RARB: variants seen among roughly 807,000 people sequenced by gnomAD.
The protein encoded by RARB is retinoic acid receptor beta, also known as HBV-activated protein.
A neutral mutation model predicts 51.9 loss-of-function variants in RARB; 17 were observed. The observed-to-expected ratio is 0.33, with a 90% CI of 0.22 to 0.49. RARB has a LOEUF of 0.49. Among genes scored for constraint, RARB ranks in the 20% least tolerant of loss-of-function variants. The pLI is 0.99. For missense variants in RARB, 369 were observed against 550.8 expected (o/e 0.67, Z 3.30); for synonymous variants, 215 against 195.4 (o/e 1.10, Z -0.84).
chr3:24,841,752 A>C (rs1182656550), intron 1 of RARB, among the ~76,000 whole-genome samples: 1 of 152,220 alleles, frequency 6.6e-6, no homozygotes, highest in African/African-American at 2.4e-5. Flanking sequence ...TTTCATAATT[A>C]TAAGCAGCAG....
At chr3:25,456,674 T>TAG (rs1314494460) in intron 1 of RARB, among the ~76,000 whole-genome samples, 6 of 113,186 alleles carry the variant, frequency 5.3e-5, no homozygotes, top group Admixed American at 9.5e-5. Flanking sequence ...TATATATATA[T>TAG]ATATATATAG....
At chr3:25,367,313 G>A (rs1163797963) in intron 5 of RARB, among the ~76,000 whole-genome samples, 1 of 152,164 alleles carries the variant, frequency 6.6e-6, no homozygotes, top group Non-Finnish European at 1.5e-5. Flanking sequence ...CACTTTGACA[G>A]GAGAATTTTC....
chr3:25,331,710 C>A (rs1467642834), intron 5 of RARB, among the ~76,000 whole-genome samples: 1 of 151,994 alleles, frequency 6.6e-6, no homozygotes, highest in Non-Finnish European at 1.5e-5. Flanking sequence ...CACAAAAAAC[C>A]CTTCAAAAAA....
At chr3:25,289,194 C>G (rs1454280185) in intron 5 of RARB, among the ~76,000 whole-genome samples, 1 of 152,186 alleles carries the variant, frequency 6.6e-6, no homozygotes, top group Non-Finnish European at 1.5e-5. Context: ...ATTCAGGTTC[C>G]TTAGAGTGTC....
intron 4 of RARB, among the ~76,000 whole-genome samples, chr3:25,142,170 A>G (rs951841477): frequency 6.6e-5 from 10 of 152,124 alleles, no homozygotes; most frequent in Admixed American, 5.9e-4. Context: ...CGTCTCTACT[A>G]AAAAAGCACA....
At chr3:25,477,402 T>C (rs1464668041) in intron 2 of RARB, among the ~76,000 whole-genome samples, 1 of 152,168 alleles carries the variant, frequency 6.6e-6, no homozygotes, top group East Asian at 1.9e-4. Flanking sequence ...CTTTACACAA[T>C]GGTTGAACTT....
intron 5 of RARB, among the ~76,000 whole-genome samples, chr3:25,352,774 A>G (rs1312214701): frequency 6.6e-6 from 1 of 152,202 alleles, no homozygotes; most frequent in Non-Finnish European, 1.5e-5. Context: ...AATAAGTAAC[A>G]TCACTCATTA....
intron 5 of RARB, among the ~76,000 whole-genome samples, chr3:25,195,079 G>A (rs1397975623): frequency 6.6e-6 from 1 of 152,006 alleles, no homozygotes. Flanking sequence ...CTTGACATCA[G>A]TCAGTAATTA....
At chr3:25,399,628 CT>C (rs1232820009) in intron 5 of RARB, among the ~76,000 whole-genome samples, 1 of 152,220 alleles carries the variant, frequency 6.6e-6, no homozygotes, top group African/African-American at 2.4e-5. Flanking sequence ...GAGTCCTGAA[CT>C]TCCTAACTTC....
intron 2 of RARB, among the ~76,000 whole-genome samples, chr3:24,892,201 T>C (rs1000822067): frequency 1.4e-5 from 2 of 147,134 alleles, no homozygotes; most frequent in African/African-American, 5.0e-5. Context: ...ATTTTCTAAT[T>C]CACTTGAATG....
intron 5 of RARB, among the ~76,000 whole-genome samples, chr3:25,281,522 TAGAG>T (rs1703522638): frequency 6.6e-6 from 1 of 152,112 alleles, no homozygotes; most frequent in African/African-American, 2.4e-5. Flanking sequence ...TTGAAAGAGA[TAGAG>T]AGGGTACAGT....
chr3:25,073,755 G>A (rs1200944151), intron 3 of RARB, among the ~76,000 whole-genome samples: 1 of 151,986 alleles, frequency 6.6e-6, no homozygotes, highest in African/African-American at 2.4e-5. Flanking sequence ...GCTACAATAA[G>A]GATGCCTGTA....
intron 4 of RARB, among the ~76,000 whole-genome samples, chr3:25,167,461 G>T (rs1377531256): frequency 6.6e-6 from 1 of 152,170 alleles, no homozygotes; most frequent in Non-Finnish European, 1.5e-5. Flanking sequence ...CAGATTGCTA[G>T]GTGTCTAAAG....
At chr3:25,472,172 T>A (rs1388539352) in intron 2 of RARB, among the ~76,000 whole-genome samples, 2 of 152,228 alleles carry the variant, frequency 1.3e-5, no homozygotes, top group Non-Finnish European at 2.9e-5. Flanking sequence ...GCTACAGGAC[T>A]TTTTTCTCAC....
Position 25,065,005 on chromosome 3 carries a change from G to A in RARB, c.-328+4829G>A, listed in dbSNP as rs116391942. 1.8e-3 allele frequency among the ~76,000 whole-genome samples: 269 copies of A among 152,254 alleles called. 1 individual carries two copies. Among genetic ancestry groups the A allele is most frequent in the African/African-American group, 6.4e-3 (264 of 41,540 alleles). Reference sequence around the variant, plus strand: ...CAAGGAGTTCGTGCATAGGAGTAAGGCAATGGTGGCCATTGGCTCTGATCC... The same window carrying A: ...CAAGGAGTTCGTGCATAGGAGTAAGACAATGGTGGCCATTGGCTCTGATCC... On this transcript the variant is annotated intron_variant, in intron 3 of 11. Coordinates refer to the RARB transcript ENST00000383772.
At chr3:24,890,737 G>C (rs920568622) in intron 2 of RARB, among the ~76,000 whole-genome samples, 2 of 152,116 alleles carry the variant, frequency 1.3e-5, no homozygotes, top group Non-Finnish European at 2.9e-5. Context: ...ACAAACCCTT[G>C]AATATAGAGG....
At chr3:25,545,804 C>T (rs540673442) in intron 3 of RARB, among the ~76,000 whole-genome samples, 6 of 152,234 alleles carry the variant, frequency 3.9e-5, no homozygotes, top group South Asian at 2.1e-4. Context: ...GGCACTCTTC[C>T]GGGTGCTGGT....
chr3:25,339,339 G>A (rs532506996), intron 5 of RARB, among the ~76,000 whole-genome samples: 6 of 152,142 alleles, frequency 3.9e-5, no homozygotes, highest in Non-Finnish European at 8.8e-5. Context: ...ACTGAGTTTG[G>A]CCAGTCAAAT....
chr3:24,976,722 C>A (rs886292990), intron 2 of RARB, among the ~76,000 whole-genome samples: 3 of 152,174 alleles, frequency 2.0e-5, no homozygotes, highest in African/African-American at 7.2e-5. Flanking sequence ...CCTGTTCACC[C>A]TGATGGTAGT....
Sources: allele counts gnomAD v4.1 joint callset (sites outside exome capture counted in the v4.1 genomes callset), GRCh38; gene constraint gnomAD v4.1.1; transcripts MANE v1.5; gene names NCBI Gene and HGNC (gene_info 2026-07-23, HGNC 2026-07-21).